DYNC2H1: variants seen among roughly 807,000 people sequenced by gnomAD.
The protein encoded by DYNC2H1 is dynein cytoplasmic 2 heavy chain 1.
Under a neutral mutation model 570.0 loss-of-function variants are expected in DYNC2H1, and 410 were observed. The observed-to-expected ratio is 0.72, with a 90% confidence interval of 0.66 to 0.78. The LOEUF (loss-of-function observed/expected upper bound fraction) is 0.78, where lower values mean the gene tolerates loss of function less well. Among genes scored for constraint, DYNC2H1 ranks in the 30% least tolerant of loss-of-function variants. DYNC2H1 has a pLI of 0.00. For synonymous variants in DYNC2H1, 1,688 were observed against 1,677.6 expected, an observed-to-expected ratio of 1.01 and a Z score of -0.15; for missense variants, 4,865 against 5,046.4, an observed-to-expected ratio of 0.96 and a Z score of 1.09.
At chr11:103,420,071 C>T (rs533430013) in intron 84 of DYNC2H1, among the ~76,000 whole-genome samples, 45 of 151,710 alleles carry the variant, frequency 3.0e-4, no homozygotes, top group African/African-American at 1.0e-3. Context: ...ACAAGACAGG[C>T]AGACAAGAAT....
In DYNC2H1 at chr11:103,177,793, G is replaced by T. The variant is rs771174468; in HGVS notation, c.6112G>T (p.Ala2038Ser). Residue 2038 changes from alanine (A) to serine (S), a missense_variant, in exon 38 of 89, where the codon GCT (alanine) becomes TCT (serine). Coordinates refer to ENST00000375735, the MANE Select transcript of DYNC2H1 (RefSeq NM_001377.3). This position sits in a 1 kb window ranked among gnomAD's most constrained non-coding sequence, Gnocchi z 4.4. ...GTCTGATGGTGTTTTGACAAATAGT[G>T]CTCGTCAAGTGGTTCGGGAACCTCA... The part of the protein sequence containing the change: ...EWSDGVLTNS[A>S]RQVVREPQDV... 3.1e-6 allele frequency: 5 copies of T among 1,611,636 alleles called. No homozygotes were observed. In the East Asian group the frequency reaches 1.1e-4, roughly 36 times the overall value.
intron 83 of DYNC2H1, among the ~76,000 whole-genome samples, chr11:103,365,734 A>C (rs1214978007): frequency 2.0e-5 from 3 of 152,218 alleles, no homozygotes; most frequent in Non-Finnish European, 4.4e-5. Context: ...AAAGGTTTGA[A>C]CATGCAAAGA....
At position 103,241,413 on chromosome 11, in the gene DYNC2H1, C is replaced by T. The variant is rs1036840210; in HGVS notation, c.9820-2280C>T. On this transcript the variant is annotated intron_variant, in intron 63 of 88. Coordinates refer to ENST00000375735, the MANE Select transcript of DYNC2H1 (RefSeq NM_001377.3). This position sits in a 1 kb window ranked among gnomAD's most constrained non-coding sequence, Gnocchi z 5.1. ...AATCTTATCTAAATCTGTCTGGAGA[C>T]GTAAAATAAGATGACAACAAACTTT... 28 of 843,432 alleles carry T rather than the reference C, an allele frequency of 3.3e-5. No individual in the cohort carries two copies. Among genetic ancestry groups the T allele is most frequent in the Middle Eastern group, 3.4e-4 (1 of 2,954 alleles). The allele number at this position is 843,432 out of a possible 1,614,324, so 52.2% of individuals were successfully genotyped here.
chr11:103,435,938 T>G lies in DYNC2H1; in HGVS notation c.12367-5T>G. The G allele has an allele frequency of 6.2e-7, 1 of 1,612,080 alleles. No homozygotes were observed. The highest frequency in any genetic ancestry group is 8.5e-7 in the Non-Finnish European group (1 of 1,178,844). On this transcript the variant is annotated splice_polypyrimidine_tract_variant and splice_region_variant and intron_variant, in intron 84 of 88. Coordinates refer to ENST00000375735, the MANE Select transcript of DYNC2H1 (RefSeq NM_001377.3). ...AACTTAATTTTGACCCTTTTTAAAT[T>G]GCAGTGTCCTCTCGCATGGCAGAGC...
intron 70 of DYNC2H1, among the ~76,000 whole-genome samples, chr11:103,274,397 A>G (rs906252752): frequency 1.3e-5 from 2 of 152,142 alleles, no homozygotes; most frequent in Non-Finnish European, 2.9e-5. Flanking sequence ...AGAATTTGCT[A>G]TATCATTAAA....
At chr11:103,466,145 A>C (rs1175298416) in intron 87 of DYNC2H1, among the ~76,000 whole-genome samples, 1 of 152,202 alleles carries the variant, frequency 6.6e-6, no homozygotes, top group Admixed American at 6.5e-5. Flanking sequence ...CCAGTATGGA[A>C]ACTTGACACA....
intron 82 of DYNC2H1, among the ~76,000 whole-genome samples, chr11:103,328,001 A>C (rs1938582889): frequency 6.6e-6 from 1 of 152,186 alleles, no homozygotes; most frequent in Non-Finnish European, 1.5e-5. Context: ...GAGAAGATAG[A>C]CGCCCATGTT....
intron 84 of DYNC2H1, among the ~76,000 whole-genome samples, chr11:103,401,582 C>G (rs1383542081): frequency 1.3e-5 from 2 of 152,056 alleles, no homozygotes; most frequent in African/African-American, 4.8e-5. Context: ...ATATGTCTGC[C>G]TGTTTGAGTT....
At chr11:103,225,226 C>T (rs1453867264) in intron 59 of DYNC2H1, among the ~76,000 whole-genome samples, 1 of 152,094 alleles carries the variant, frequency 6.6e-6, no homozygotes, top group East Asian at 1.9e-4. Context: ...CTGATTATTT[C>T]TTTTGCTATG....
intron 86 of DYNC2H1, among the ~76,000 whole-genome samples, chr11:103,456,020 G>A (rs1591784466): frequency 6.6e-6 from 1 of 151,846 alleles, no homozygotes; most frequent in Non-Finnish European, 1.5e-5. Context: ...TGAGGGTCAT[G>A]GTCAAAACAG....
chr11:103,260,603 C>G (rs557779620), intron 70 of DYNC2H1, among the ~76,000 whole-genome samples: 1 of 150,704 alleles, frequency 6.6e-6, no homozygotes, highest in African/African-American at 2.5e-5. Context: ...AACGCAGAGG[C>G]CTTTTTGTAC....
rs1483309223 is a variant in DYNC2H1 at position 103,326,507 on chromosome 11, C to G, written c.12039+2517C>G. Among the ~76,000 whole-genome samples, 1 of 152,200 alleles carries G rather than the reference C, an allele frequency of 6.6e-6. No individual in the cohort carries two copies. The highest frequency in any genetic ancestry group is 1.5e-5 in the Non-Finnish European group (1 of 68,032). On this transcript the variant is annotated intron_variant, in intron 82 of 88. Transcript: ENST00000375735. The surrounding 1 kb of genome is among the most constrained non-coding windows in gnomAD (Gnocchi z 6.1). ...TGAGGGTGGGCGCTTCTCCCCAGCT[C>G]CAGTGTTGGCCGCAGATCTGGGCTC...
In DYNC2H1 at chr11:103,286,284, C is replaced by G; in HGVS notation, c.10920C>G (p.Leu3640=). ...CTCTCCCCAGTCTTTATCAGACCCT[C>G]TGCTTTGAAGATGCAGCTCTGTGGC... ...KIALPSLYQT[L]CFEDAALWRT... is the part of the protein sequence containing the mutation. Residue 3640 remains leucine (L), a synonymous_variant, in exon 74 of 89, where the codon CTC becomes CTG. Transcript: ENST00000375735. 1.2e-6 allele frequency: 2 copies of G among 1,613,764 alleles called. No individual in the cohort carries two copies. The highest frequency in any genetic ancestry group is 2.2e-5 in the South Asian group (2 of 91,048).
At chr11:103,300,101 C>G (rs1866987403) in intron 75 of DYNC2H1, among the ~76,000 whole-genome samples, 1 of 152,008 alleles carries the variant, frequency 6.6e-6, no homozygotes, top group Non-Finnish European at 1.5e-5. Flanking sequence ...AAGAATGAAT[C>G]TATTATACTT....
Position 103,253,425 on chromosome 11 carries a change from A to C in DYNC2H1, c.10183A>C (p.Thr3395Pro), listed in dbSNP as rs757061327. The C allele has an allele frequency of 1.2e-6, 2 of 1,612,910 alleles. No homozygotes were observed. Among genetic ancestry groups the C allele is most frequent in the Non-Finnish European group, 8.5e-7 (1 of 1,179,290 alleles). ...SIVTEVNFTT[T>P]RSGLRGQLLA... is the part of the protein sequence containing the mutation. ...TGTTACTGAGGTTAACTTTACTACA[A>C]CAAGAAGTGGATTACGAGGGCAGGT... Residue 3395 changes from threonine to proline, a missense_variant, in exon 66 of 89, where the codon ACA (threonine) becomes CCA (proline). Physicochemically the swap from Thr to Pro is conservative, Grantham distance 38. Transcript: ENST00000375735.
intron 31 of DYNC2H1, among the ~76,000 whole-genome samples, chr11:103,167,381 C>T (rs946150568): frequency 6.6e-5 from 10 of 151,882 alleles, no homozygotes; most frequent in African/African-American, 2.4e-4. Flanking sequence ...AATTTTCCCA[C>T]CTCAGCCTCC....
intron 59 of DYNC2H1, among the ~76,000 whole-genome samples, chr11:103,224,612 G>A (rs1863732656): frequency 6.6e-6 from 1 of 152,050 alleles, no homozygotes; most frequent in Non-Finnish European, 1.5e-5. Context: ...GTATTCCGTG[G>A]GGTATATATA....
rs569043170 is a variant in DYNC2H1 at position 103,299,834 on chromosome 11, A to T, written c.11096-3259A>T. Among the ~76,000 whole-genome samples the T allele has an allele frequency of 1.1e-4, 17 of 152,178 alleles. No individual in the cohort carries two copies. The highest frequency in any genetic ancestry group is 4.1e-4 in the African/African-American group (17 of 41,556). ...AACCAGGGCTTAGGATTCTTGAAAG[A>T]GGTATCTTTAGAATTCTGCCTACCA... On this transcript the variant is annotated intron_variant, in intron 75 of 88. Coordinates refer to ENST00000375735, the MANE Select transcript of DYNC2H1 (RefSeq NM_001377.3). This position sits in a 1 kb window ranked among gnomAD's most constrained non-coding sequence, Gnocchi z 4.5.
intron 47 of DYNC2H1, among the ~76,000 whole-genome samples, chr11:103,194,232 G>A (rs569310270): frequency 6.6e-5 from 10 of 152,066 alleles, no homozygotes; most frequent in Non-Finnish European, 1.0e-4. Context: ...GATACATGCC[G>A]ATTGTTTTGT....
Sources: allele counts gnomAD v4.1 joint callset (sites outside exome capture counted in the v4.1 genomes callset), GRCh38; gene constraint gnomAD v4.1.1; non-coding constraint Gnocchi (gnomAD v3.1); transcripts MANE v1.5; gene names NCBI Gene and HGNC (gene_info 2026-07-23, HGNC 2026-07-21).